The following MTOR variants were observed in gnomAD, a reference collection of about 807,000 sequenced individuals.
MTOR encodes the protein mechanistic target of rapamycin kinase.
MTOR carries 70 observed loss-of-function variants against 319.8 expected under a neutral mutation model. The observed-to-expected ratio is 0.22, with a 90% CI of 0.18 to 0.27. The LOEUF (loss-of-function observed/expected upper bound fraction) is 0.27. Among genes scored for constraint, MTOR ranks in the 10% least tolerant of loss-of-function variants. The pLI, the probability that MTOR is intolerant of heterozygous loss-of-function variation, is 1.00. For synonymous variants in MTOR, 1,183 were observed against 1,211.4 expected (o/e 0.98, Z 0.49); for missense variants, 1,890 against 3,274.4 (o/e 0.58, Z 10.32).
At chr1:11,114,612 T>C (rs939274747) in intron 52 of MTOR, 159 bp from the exon 53 acceptor site, 2 of 1,144,410 alleles carry the variant, frequency 1.7e-6, no homozygotes, top group Non-Finnish European at 2.5e-6. Flanking sequence ...AGGACTGTGA[T>C]CCACAGGAAA....
chr1:11,195,071 A>G (rs1298166839), intron 28 of MTOR: 1 of 1,590,736 alleles, frequency 6.3e-7, no homozygotes, highest in Non-Finnish European at 8.6e-7. Context: ...ACACGTGGAG[A>G]CTGGATGAGG....
chr1:11,239,965 A>G (rs1254602214), intron 11 of MTOR, among the ~76,000 whole-genome samples: 2 of 152,106 alleles, frequency 1.3e-5, no homozygotes, highest in Non-Finnish European at 1.5e-5. Context: ...AACACCCAAA[A>G]GCCCCTACTT....
Position 11,258,523 on chromosome 1 carries a change from G to A in MTOR, c.233C>T (p.Ser78Leu). 1 of 1,614,110 alleles carries A rather than the reference G, an allele frequency of 6.2e-7. No individual in the cohort carries two copies. Among genetic ancestry groups the A allele is most frequent in the Non-Finnish European group, 8.5e-7 (1 of 1,180,018 alleles). The stretch of plus-strand genomic sequence containing the variant: ...GCCACCTTTCCTCTCATTGGCATCT[G>A]AGCTGGAAACCAATTCAAAAATGTG... ...NHHIFELVSS[S>L]DANERKGGIL... is the part of the protein sequence containing the mutation. The change falls in exon 3 of 58, where the codon TCA becomes TTA. Residue 78 changes from serine (S) to leucine (L), a missense_variant. Coordinates refer to ENST00000361445, the MANE Select transcript of MTOR (RefSeq NM_004958.4).
rs1416145856 is a variant in MTOR, at chr1:11,157,200, G to C, written c.4421C>G (p.Pro1474Arg). The C allele has an allele frequency of 6.2e-7, 1 of 1,613,988 alleles. No individual in the cohort carries two copies. The highest frequency in any genetic ancestry group is 1.7e-5 in the Admixed American group (1 of 60,016). Reference protein sequence around the residue: ...DKKMDTNKDDPELMLGRMRCL... With the variant: ...DKKMDTNKDDRELMLGRMRCL... ...GCGCATGCGGCCCAGCATCAGCTCT[G>C]GGTCGTCCTTGTTGGTGTCCATTTT... The change falls in exon 30 of 58, where the codon CCA (proline) becomes CGA (arginine). Residue 1474 changes from proline to arginine, a missense_variant. Physicochemically the swap from Pro to Arg is moderately radical, Grantham distance 103 (BLOSUM62 -2). Coordinates refer to ENST00000361445, the MANE Select transcript of MTOR (RefSeq NM_004958.4).
intron 32 of MTOR, chr1:11,145,406 T>A (rs774697829): frequency 2.1e-5 from 5 of 240,274 alleles, no homozygotes; most frequent in Non-Finnish European, 4.1e-5. Flanking sequence ...AGACACAGTC[T>A]CACTCTGTCA....
chr1:11,157,321 A>G lies in MTOR; in HGVS notation c.4330-30T>C, dbSNP rs1383639780. The G allele has an allele frequency of 1.9e-6, 3 of 1,606,266 alleles. No homozygotes were observed. In the Admixed American group the frequency reaches 5.1e-5, roughly 27 times the overall value. ...TACATGGGAAAGAAAGACTGCTGTG[A>G]GGTACACAGAAGAAGGGATCACATT... On this transcript the variant is annotated intron_variant, in intron 29 of 57. Transcript: ENST00000361445.
chr1:11,142,272 T>A (rs1190371353), intron 34 of MTOR, among the ~76,000 whole-genome samples: 1 of 151,934 alleles, frequency 6.6e-6, no homozygotes. Context: ...CCCAGAACTT[T>A]GGGAGCAGAA....
chr1:11,205,509 A>G (rs1483675300), intron 25 of MTOR, among the ~76,000 whole-genome samples: 6 of 152,246 alleles, frequency 3.9e-5, no homozygotes, highest in African/African-American at 1.2e-4. Flanking sequence ...TAATGAATTT[A>G]TAACAGTGCT....
intron 28 of MTOR, among the ~76,000 whole-genome samples, chr1:11,188,723 G>A (rs1435488580): frequency 6.6e-6 from 1 of 152,186 alleles, no homozygotes; most frequent in African/African-American, 2.4e-5. Context: ...TCCAAACCCT[G>A]TGGCTACAAA....
In MTOR at chr1:11,259,234, G is replaced by A. The variant is rs756539408; in HGVS notation, c.162+14C>T. The A allele has an allele frequency of 6.2e-7, 1 of 1,612,452 alleles. No homozygotes were observed. The highest frequency in any genetic ancestry group is 8.5e-7 in the Non-Finnish European group (1 of 1,179,446). On this transcript the variant is annotated intron_variant, in intron 2 of 57. Transcript: ENST00000361445. Reference sequence around the variant, plus strand: ...ACACATCCCACAATGACTGGCCCCAGATCCCAGAAGCACCTCTCGGAGTTC... The same window carrying A: ...ACACATCCCACAATGACTGGCCCCAAATCCCAGAAGCACCTCTCGGAGTTC...
In MTOR at chr1:11,232,507, T is replaced by C; in HGVS notation, c.2443A>G (p.Lys815Glu). 6.2e-7 allele frequency: 1 copy of C among 1,613,862 alleles called. No homozygotes were observed. Among genetic ancestry groups the C allele is most frequent in the Non-Finnish European group, 8.5e-7 (1 of 1,179,776 alleles). ...ATAATAAAAAGTTCATCAACCCATT[T>C]CCTCATTTCCAGGCCACTAACCTGC... ...LAQVSGLEMR[K>E]WVDELFIIIM... Residue 815 changes from lysine (K) to glutamate (E), a missense_variant, in exon 16 of 58, where the codon AAA becomes GAA. Transcript: ENST00000361445.
At chr1:11,193,883 C>G in intron 28 of MTOR, 1 of 1,130,374 alleles carries the variant, frequency 8.8e-7, no homozygotes, top group Non-Finnish European at 1.3e-6. Flanking sequence ...TCTGTATATT[C>G]ATTGTGATGG....
intron 9 of MTOR, 131 bp from the exon 10 acceptor site, chr1:11,241,812 A>ACC: frequency 1.0e-6 from 1 of 975,824 alleles, no homozygotes; most frequent in South Asian, 1.6e-5. Flanking sequence ...CAAATTGTCC[A>ACC]GAGCACAGTT....
chr1:11,211,331 C>T (rs1646304668), intron 23 of MTOR, among the ~76,000 whole-genome samples: 1 of 152,180 alleles, frequency 6.6e-6, no homozygotes, highest in Admixed American at 6.5e-5. Flanking sequence ...GCTCATGAAA[C>T]CAGAGACTGC....
chr1:11,211,115 G>C (rs903357789), intron 23 of MTOR, among the ~76,000 whole-genome samples: 4 of 152,198 alleles, frequency 2.6e-5, no homozygotes, highest in African/African-American at 7.2e-5. Flanking sequence ...CCTCTTAACA[G>C]ATCTTTGCTT....
intron 28 of MTOR, chr1:11,194,421 G>A (rs1645693658): frequency 1.3e-6 from 2 of 1,597,060 alleles, no homozygotes; most frequent in East Asian, 2.2e-5. Context: ...ATGAAATGGA[G>A]CCTGCTGCAC....
intron 31 of MTOR, chr1:11,149,213 G>A (rs151129334): frequency 3.3e-5 from 5 of 152,228 alleles, no homozygotes; most frequent in African/African-American, 9.7e-5. Context: ...GGTTCTTTGA[G>A]TAGCATGTGA....
At chr1:11,144,888 TAAGTTCTC>T in intron 33 of MTOR, 72 bp downstream of exon 33, 1 of 1,548,784 alleles carries the variant, frequency 6.5e-7, no homozygotes, top group South Asian at 1.1e-5. Flanking sequence ...CAGCAGCCTG[TAAGTTCTC>T]AATAGCCCAT....
chr1:11,262,132 T>C (rs1344257451), intron 1 of MTOR, among the ~76,000 whole-genome samples: 8 of 152,278 alleles, frequency 5.3e-5, no homozygotes, highest in Admixed American at 4.6e-4. Context: ...ACAATTTTTA[T>C]ACGTGGCTCA....
Sources: gnomAD v4.1 joint callset for allele counts (sites outside exome capture counted in the v4.1 genomes callset) on GRCh38, gnomAD v4.1.1 for gene constraint, MANE v1.5 for transcripts, NCBI Gene and HGNC (gene_info 2026-07-23, HGNC 2026-07-21) for gene names.